GRIN2A: variants seen among roughly 807,000 people sequenced by gnomAD.
GRIN2A encodes the protein glutamate receptor ionotropic, NMDA 2A.
A neutral mutation model predicts 113.4 loss-of-function variants in GRIN2A; 22 were observed. That is an observed-to-expected ratio of 0.19 (90% CI 0.14 to 0.28). The LOEUF is 0.28. Among genes scored for constraint, GRIN2A ranks in the 10% least tolerant of loss-of-function variants. The probability of loss-of-function intolerance (pLI) is 1.00; values close to 1 mark genes in which losing one functional copy is unlikely to be tolerated. For synonymous variants in GRIN2A, 827 were observed against 738.4 expected (o/e 1.12, Z -1.94); for missense variants, 1,502 against 1,887.0 (o/e 0.80, Z 3.78).
intron 2 of GRIN2A, among the ~76,000 whole-genome samples, chr16:10,172,552 G>A (rs867154100): frequency 5.9e-5 from 9 of 152,222 alleles, no homozygotes; most frequent in African/African-American, 1.4e-4. Context: ...TGACTTTGGG[G>A]AATTTAAGAA....
intron 10 of GRIN2A, among the ~76,000 whole-genome samples, chr16:9,815,512 A>G (rs548082568): frequency 1.3e-5 from 2 of 152,232 alleles, no homozygotes; most frequent in African/African-American, 4.8e-5. Context: ...ATTGCCCAAT[A>G]AGCAGGTAAA....
intron 2 of GRIN2A, among the ~76,000 whole-genome samples, chr16:10,077,152 G>A (rs1264237149): frequency 6.6e-6 from 1 of 152,212 alleles, no homozygotes; most frequent in African/African-American, 2.4e-5. Flanking sequence ...GGAAAGCCCA[G>A]TAAATGGATT....
intron 2 of GRIN2A, among the ~76,000 whole-genome samples, chr16:10,027,233 C>A (rs775389223): frequency 3.3e-5 from 5 of 152,172 alleles, no homozygotes; most frequent in Non-Finnish European, 7.3e-5. Context: ...TGTAAGGGAT[C>A]TTATAAAGGA....
intron 11 of GRIN2A, among the ~76,000 whole-genome samples, chr16:9,773,511 G>C (rs1369430914): frequency 6.6e-6 from 1 of 152,160 alleles, no homozygotes; most frequent in Non-Finnish European, 1.5e-5. Context: ...TCCTGAAGCA[G>C]ACTCATTCTT....
At chr16:10,055,906 C>CCCTAAACAG (rs2047450018) in intron 2 of GRIN2A, among the ~76,000 whole-genome samples, 1 of 152,144 alleles carries the variant, frequency 6.6e-6, no homozygotes, top group Admixed American at 6.6e-5. Flanking sequence ...TTTTGTCACT[C>CCCTAAACAG]CCTAAACAGC....
At chr16:10,156,534 A>G (rs2049698616) in intron 2 of GRIN2A, among the ~76,000 whole-genome samples, 1 of 152,192 alleles carries the variant, frequency 6.6e-6, no homozygotes, top group African/African-American at 2.4e-5. Context: ...CACTGAGGGG[A>G]GGAAGATGAA....
At chr16:9,955,628 T>C (rs1357671725) in intron 2 of GRIN2A, among the ~76,000 whole-genome samples, 2 of 152,256 alleles carry the variant, frequency 1.3e-5, no homozygotes, top group Non-Finnish European at 2.9e-5. Context: ...TGTCCACCAT[T>C]TAAACAAATT....
At chr16:10,138,039 C>T (rs2049238694) in intron 2 of GRIN2A, among the ~76,000 whole-genome samples, 1 of 152,238 alleles carries the variant, frequency 6.6e-6, no homozygotes, top group South Asian at 2.1e-4. Flanking sequence ...GGCCATGAGA[C>T]TCTGACCATA....
chr16:10,017,621 C>T (rs958293089), intron 2 of GRIN2A, among the ~76,000 whole-genome samples: 1 of 152,064 alleles, frequency 6.6e-6, no homozygotes, highest in African/African-American at 2.4e-5. Flanking sequence ...ACAAGCATAA[C>T]ATAAGAAAAG....
chr16:10,070,781 T>A (rs938172532), intron 2 of GRIN2A, among the ~76,000 whole-genome samples: 6 of 152,218 alleles, frequency 3.9e-5, no homozygotes, highest in African/African-American at 1.2e-4. Flanking sequence ...ATTAGCCAGT[T>A]CTGCAGACTG....
At chr16:10,167,292 C>A (rs1015348015) in intron 2 of GRIN2A, among the ~76,000 whole-genome samples, 2 of 152,170 alleles carry the variant, frequency 1.3e-5, no homozygotes, top group Admixed American at 6.6e-5. Context: ...CCCCAACTCC[C>A]CCCAAAATCA....
chr16:9,883,444 T>C (rs1203695774), intron 4 of GRIN2A, among the ~76,000 whole-genome samples: 1 of 152,178 alleles, frequency 6.6e-6, no homozygotes. Flanking sequence ...CGAATTAGTA[T>C]ACAGGTCTGC....
chr16:9,923,983 C>T (rs1417788693), intron 3 of GRIN2A, among the ~76,000 whole-genome samples: 5 of 151,536 alleles, frequency 3.3e-5, no homozygotes, highest in African/African-American at 9.7e-5. Flanking sequence ...AAAAATTAGC[C>T]GGGCTTGGTG....
chr16:10,054,924 G>A (rs1466946760), intron 2 of GRIN2A, among the ~76,000 whole-genome samples: 1 of 151,312 alleles, frequency 6.6e-6, no homozygotes, highest in Non-Finnish European at 1.5e-5. Context: ...GCACGCGTCT[G>A]TAGTCCCAAC....
intron 2 of GRIN2A, among the ~76,000 whole-genome samples, chr16:10,114,140 A>G (rs1472385857): frequency 6.6e-6 from 1 of 152,164 alleles, no homozygotes; most frequent in East Asian, 1.9e-4. Flanking sequence ...GCAGTGAGCT[A>G]TGATCATGCC....
At chr16:9,999,290 T>G (rs2046281320) in intron 2 of GRIN2A, among the ~76,000 whole-genome samples, 1 of 152,136 alleles carries the variant, frequency 6.6e-6, no homozygotes, top group Admixed American at 6.5e-5. Flanking sequence ...CATATTAAAC[T>G]TACCACTCTA....
rs1555455829 is a variant in GRIN2A, at chr16:9,938,512, G to C, written c.454C>G (p.Gln152Glu). The C allele has an allele frequency of 3.1e-6, 5 of 1,609,696 alleles. No homozygotes were observed. The South Asian group carries it at 5.5e-5, about 18-fold the overall frequency. Reference sequence around the variant, plus strand: ...TTCAGCATGACCGTGGCTTGCTGCTGGATGGACGCTCCAAACTGGAAGAAG... The same window carrying C: ...TTCAGCATGACCGTGGCTTGCTGCTCGATGGACGCTCCAAACTGGAAGAAG... ...STFFQFGASI[Q>E]QQATVMLKIM... is the part of the protein sequence containing the mutation. The change falls in exon 3 of 13, where the codon CAG (glutamine) becomes GAG (glutamate). Residue 152 changes from glutamine to glutamate, a missense_variant. Physicochemically the swap from Gln to Glu is conservative, Grantham distance 29. Transcript: ENST00000330684.
chr16:9,857,628 T>A (rs908009734), intron 4 of GRIN2A, among the ~76,000 whole-genome samples: 4 of 152,190 alleles, frequency 2.6e-5, no homozygotes, highest in Admixed American at 2.6e-4. Flanking sequence ...TTTCTTAATA[T>A]CTATTTGCCT....
chr16:9,923,616 T>C (rs890210260), intron 3 of GRIN2A, among the ~76,000 whole-genome samples: 1 of 152,202 alleles, frequency 6.6e-6, no homozygotes, highest in African/African-American at 2.4e-5. Context: ...TTATAGTATA[T>C]ATTTTAAATT....
Sources: gnomAD v4.1 joint callset for allele counts (sites outside exome capture counted in the v4.1 genomes callset) on GRCh38, gnomAD v4.1.1 for gene constraint, MANE v1.5 for transcripts, NCBI Gene and HGNC (gene_info 2026-07-23, HGNC 2026-07-21) for gene names.